The following ANXA6 variants were observed in gnomAD, a reference collection of about 807,000 sequenced individuals.
The protein encoded by ANXA6 is annexin A6, also known as 67 kDa calelectrin.
ANXA6 carries 71 observed loss-of-function variants against 95.4 expected under a neutral mutation model. The observed-to-expected ratio is 0.74, with a 90% CI of 0.61 to 0.91. The LOEUF (loss-of-function observed/expected upper bound fraction) is 0.91. Ranked by LOEUF, ANXA6 falls within the 40% of genes least tolerant of loss-of-function variation. ANXA6 has a pLI of 0.00. For synonymous variants in ANXA6, 289 were observed against 315.9 expected, an observed-to-expected ratio of 0.91 and a Z score of 0.90; for missense variants, 830 against 876.4, an observed-to-expected ratio of 0.95 and a Z score of 0.67.
At position 151,119,247 on chromosome 5, in the gene ANXA6, T is replaced by C. The variant is rs940943892; in HGVS notation, c.1438+53A>G. The C allele has an allele frequency of 3.8e-5, 57 of 1,485,832 alleles. 1 individual carries two copies. In the Middle Eastern group the frequency reaches 7.0e-4, roughly 18 times the overall value. 92.0% of individuals were successfully genotyped at this position (1,485,832 alleles called of 1,614,324 possible). The stretch of plus-strand genomic sequence containing the variant: ...CAGAGCTGTGGGCTGGGGTTGGAAG[T>C]TGGGGGGCCTGGCTGTTCTCCCAGC... On this transcript the variant is annotated intron_variant, in intron 18 of 25. Coordinates refer to ENST00000354546, the MANE Select transcript of ANXA6 (RefSeq NM_001155.5).
rs1356112506 is a variant in ANXA6, at chr5:151,108,470, C to T, written c.1765G>A (p.Ala589Thr). Residue 589 changes from alanine to threonine, a missense_variant, in exon 23 of 26, where the codon GCA (alanine) becomes ACA (threonine). Physicochemically the swap from Ala to Thr is moderately conservative, Grantham distance 58. Coordinates refer to ENST00000354546, the MANE Select transcript of ANXA6 (RefSeq NM_001155.5). ...TGCCAGTTACCAATGGCCACAAATG[C>T]ATCCCTGACATCCCCAGACATCTCC... is the stretch of plus-strand genomic sequence containing the variant. Reference protein sequence around the residue: ...KKEMSGDVRDAFVAIVQSVKN... With the variant: ...KKEMSGDVRDTFVAIVQSVKN... 3 of 1,613,800 alleles carry T rather than the reference C, an allele frequency of 1.9e-6. No individual in the cohort carries two copies. The highest frequency in any genetic ancestry group is 2.2e-5 in the East Asian group (1 of 44,894).
intron 14 of ANXA6, among the ~76,000 whole-genome samples, chr5:151,125,452 T>C (rs1343835569): frequency 6.6e-6 from 1 of 150,900 alleles, no homozygotes; most frequent in African/African-American, 2.4e-5. Context: ...AAAATCAACA[T>C]AATAAAAACA....
rs1582002313 is a variant in ANXA6, at chr5:151,131,286, T to C, written c.740A>G (p.Lys247Arg). ...DFEKLMLAVV[K>R]CIRSTPEYFA... ...ATATTCCGGGGTGCTCCGGATACAC[T>C]TCACTGTGAAGAGGGAGGAAGAGGT... Residue 247 changes from lysine (K) to arginine (R), a missense_variant, in exon 11 of 26, where the codon AAG becomes AGG. Lys to Arg is a conservative substitution (Grantham distance 26, BLOSUM62 2). Coordinates refer to ENST00000354546, the MANE Select transcript of ANXA6 (RefSeq NM_001155.5). The C allele has an allele frequency of 4.3e-6, 7 of 1,613,804 alleles. No homozygotes were observed. In the East Asian group the frequency reaches 1.6e-4, roughly 36 times the overall value.
intron 14 of ANXA6, 78 bp downstream of exon 14, chr5:151,126,324 T>C: frequency 7.6e-7 from 1 of 1,308,100 alleles, no homozygotes; most frequent in South Asian, 1.3e-5. Flanking sequence ...GGCAGCTGGG[T>C]GCCAACCAGA....
intron 1 of ANXA6, among the ~76,000 whole-genome samples, chr5:151,152,435 C>A (rs934167214): frequency 1.3e-5 from 2 of 152,200 alleles, no homozygotes; most frequent in East Asian, 3.8e-4. Flanking sequence ...GTAACTTGGG[C>A]AAGTTATGGA....
At chr5:151,118,477 A>C (rs1232526288) in intron 18 of ANXA6, among the ~76,000 whole-genome samples, 1 of 152,000 alleles carries the variant, frequency 6.6e-6, no homozygotes, top group Non-Finnish European at 1.5e-5. Context: ...TCTGTCTCCC[A>C]GGTTGGAGTG....
chr5:151,122,803 C>T (rs571225795), intron 16 of ANXA6, 114 bp downstream of exon 16: 2 of 850,936 alleles, frequency 2.4e-6, no homozygotes, highest in Non-Finnish European at 3.9e-6. Flanking sequence ...CACACAGGGT[C>T]CCTCTGCCAT....
intron 1 of ANXA6, among the ~76,000 whole-genome samples, chr5:151,149,409 G>T (rs1280755569): frequency 2.0e-5 from 3 of 152,160 alleles, no homozygotes; most frequent in Non-Finnish European, 4.4e-5. Context: ...GGCAACAGAT[G>T]AAAGTTTAAC....
chr5:151,138,602 T>C (rs1240175745), intron 5 of ANXA6, 76 bp downstream of exon 5: 1 of 1,028,976 alleles, frequency 9.7e-7, no homozygotes, highest in Non-Finnish European at 1.5e-6. Flanking sequence ...GGCTCACCAG[T>C]TGCTTTTGGA....
At chr5:151,122,356 T>G in intron 16 of ANXA6, 96 bp from the exon 17 acceptor site, 1 of 678,480 alleles carries the variant, frequency 1.5e-6, no homozygotes, top group Non-Finnish European at 2.5e-6. Context: ...GGGTTCCACA[T>G]GAGGGATCAT....
At chr5:151,136,448 G>GA in intron 6 of ANXA6, 113 bp from the exon 7 acceptor site, 1 of 929,120 alleles carries the variant, frequency 1.1e-6, no homozygotes, top group Non-Finnish European at 1.7e-6. Context: ...CCAAAACCCA[G>GA]TCTACACGTC....
chr5:151,119,697 T>C (rs768283728), intron 17 of ANXA6, among the ~76,000 whole-genome samples: 5 of 152,208 alleles, frequency 3.3e-5, no homozygotes, highest in Non-Finnish European at 4.4e-5. Context: ...CTTGTAAGTA[T>C]TGGAAGAGAA....
At chr5:151,124,479 C>A (rs1053912332) in intron 14 of ANXA6, 112 bp from the exon 15 acceptor site, 1 of 975,378 alleles carries the variant, frequency 1.0e-6, no homozygotes, top group Non-Finnish European at 1.6e-6. Context: ...AACCAAGCGG[C>A]GTGGGTGGGG....
rs1254045542 is a variant in ANXA6, at chr5:151,110,624, C to T, written c.1590+3G>A. The T allele has an allele frequency of 6.2e-7, 1 of 1,613,356 alleles. No individual in the cohort carries two copies. The highest frequency in any genetic ancestry group is 8.5e-7 in the Non-Finnish European group (1 of 1,179,550). ...AAACCCAAATGAAGAACAGGACACT[C>T]ACCAAGATCTCAGCAGCCACCTGAG... On this transcript the variant is annotated splice_donor_region_variant and intron_variant, in intron 21 of 25. Coordinates refer to ENST00000354546, the MANE Select transcript of ANXA6 (RefSeq NM_001155.5).
intron 11 of ANXA6, 48 bp from the exon 12 acceptor site, chr5:151,129,577 A>G: frequency 6.5e-7 from 1 of 1,547,248 alleles, no homozygotes; most frequent in East Asian, 2.4e-5. Flanking sequence ...AGGAGGCTAG[A>G]GTGCTGATAG....
At chr5:151,122,332 G>T in intron 16 of ANXA6, 72 bp from the exon 17 acceptor site, 1 of 852,144 alleles carries the variant, frequency 1.2e-6, no homozygotes, top group Non-Finnish European at 1.8e-6. Context: ...GGGAGAGATG[G>T]AAAGAGAAAA....
Position 151,138,723 on chromosome 5 carries a change from C to T in ANXA6, c.273G>A (p.Arg91=). 1 of 1,613,864 alleles carries T rather than the reference C, an allele frequency of 6.2e-7. No individual in the cohort carries two copies. Among genetic ancestry groups the T allele is most frequent in the South Asian group, 1.1e-5 (1 of 91,052 alleles). Residue 91 remains arginine (R), a synonymous_variant, in exon 5 of 26, where the codon AGG becomes AGA. Transcript: ENST00000354546. ...KFERLIVGLM[R]PPAYCDAKEI... ...CTTTGGCATCACAATAGGCAGGTGG[C>T]CTCATCAGGCCCACAATCAACCGTT...
intron 2 of ANXA6, among the ~76,000 whole-genome samples, chr5:151,145,941 C>T (rs903326356): frequency 6.6e-6 from 1 of 152,140 alleles, no homozygotes; most frequent in African/African-American, 2.4e-5. Flanking sequence ...GCAGCCTCCC[C>T]TCTCTCCTCA....
rs1764610753 is a variant in ANXA6, at chr5:151,103,655, A to G, written c.1877T>C (p.Met626Thr). Residue 626 changes from methionine (M) to threonine (T), a missense_variant, in exon 25 of 26, where the codon ATG (methionine) becomes ACG (threonine). Transcript: ENST00000354546. ...CAGGTCAATCTCACTGCGGGATACC[A>G]TGATCCTGGTCAGAGTCTTCTCATC... is the stretch of plus-strand genomic sequence containing the variant. ...GTDEKTLTRI[M>T]VSRSEIDLLN... 1.9e-6 allele frequency: 3 copies of G among 1,611,328 alleles called. No individual in the cohort carries two copies. The highest frequency in any genetic ancestry group is 1.7e-4 in the Middle Eastern group (1 of 6,056).
Sources: gnomAD v4.1 joint callset for allele counts (sites outside exome capture counted in the v4.1 genomes callset) on GRCh38, gnomAD v4.1.1 for gene constraint, MANE v1.5 for transcripts, NCBI Gene and HGNC (gene_info 2026-07-23, HGNC 2026-07-21) for gene names.